SLC36A4: variants seen among roughly 807,000 people sequenced by gnomAD.
SLC36A4 encodes the protein neutral amino acid uniporter 4.
A neutral mutation model predicts 50.5 loss-of-function variants in SLC36A4; 49 were observed. The ratio of observed to expected loss-of-function variants is 0.97; its 90% CI spans 0.77 to 1.23. SLC36A4 has a LOEUF of 1.23. Among genes scored for constraint, SLC36A4 ranks in the 50% most tolerant of loss-of-function variants. The probability of loss-of-function intolerance (pLI) is 0.00; values close to 1 mark genes in which losing one functional copy is unlikely to be tolerated. For synonymous variants in SLC36A4, 207 were observed against 206.5 expected, an observed-to-expected ratio of 1.00 and a Z score of -0.02; for missense variants, 611 against 608.4, an observed-to-expected ratio of 1.00 and a Z score of -0.05.
intron 6 of SLC36A4, chr11:93,180,244 T>C: frequency 1.9e-5 from 19 of 985,108 alleles, no homozygotes; most frequent in Non-Finnish European, 2.3e-5. Context: ...GCTTTCCATA[T>C]TTGTCCAAAT....
intron 7 of SLC36A4, chr11:93,166,947 T>A (rs1248949346): frequency 6.6e-6 from 1 of 152,184 alleles, no homozygotes; most frequent in Non-Finnish European, 1.5e-5. Context: ...TAAACTATTA[T>A]TTAAGGCAAG....
At chr11:93,157,948 C>T (rs1005628859) in intron 9 of SLC36A4, among the ~76,000 whole-genome samples, 1 of 152,084 alleles carries the variant, frequency 6.6e-6, no homozygotes, top group Non-Finnish European at 1.5e-5. Context: ...TATAAACAGC[C>T]TGTAAACTAT....
intron 8 of SLC36A4, among the ~76,000 whole-genome samples, chr11:93,163,148 A>C (rs1231378866): frequency 6.6e-6 from 1 of 152,054 alleles, no homozygotes; most frequent in East Asian, 1.9e-4. Context: ...AGATTTACAG[A>C]AAAGTTACAA....
At chr11:93,196,393 G>GTC (rs1862424268) in intron 1 of SLC36A4, among the ~76,000 whole-genome samples, 2 of 151,928 alleles carry the variant, frequency 1.3e-5, no homozygotes, top group African/African-American at 4.8e-5. Flanking sequence ...TTGAGACAGA[G>GTC]TCTCGCTCTG....
intron 6 of SLC36A4, chr11:93,170,082 T>C (rs192670486): frequency 9.2e-5 from 14 of 152,052 alleles, no homozygotes; most frequent in Admixed American, 3.9e-4. Context: ...GATTAAAAAA[T>C]AAAATAAAAT....
At chr11:93,181,825 A>C (rs781461466) in intron 4 of SLC36A4, 39 bp from the exon 5 acceptor site, 1 of 1,480,152 alleles carries the variant, frequency 6.8e-7, no homozygotes, top group East Asian at 2.4e-5. Flanking sequence ...AAAAAAGAAA[A>C]ATTTTAAGGT....
chr11:93,182,918 G>C (rs776332823), intron 3 of SLC36A4, 24 bp from the exon 4 acceptor site: 1 of 1,523,412 alleles, frequency 6.6e-7, no homozygotes, highest in Non-Finnish European at 9.0e-7. Context: ...AAATTTATAA[G>C]GTTTAAATAT....
intron 8 of SLC36A4, among the ~76,000 whole-genome samples, chr11:93,163,452 A>G (rs1367600717): frequency 6.6e-6 from 1 of 151,938 alleles, no homozygotes; most frequent in East Asian, 1.9e-4. Flanking sequence ...CTGGTTTGGT[A>G]TTTTACATAA....
At position 93,182,865 on chromosome 11, in the gene SLC36A4, T is replaced by A; in HGVS notation, c.300A>T (p.Gly100=). Residue 100 remains glycine, a synonymous_variant, in exon 4 of 11, where the codon GGA becomes GGT. Coordinates refer to ENST00000326402, the MANE Select transcript of SLC36A4 (RefSeq NM_152313.4). The part of the protein sequence containing the change: ...VLGPISLVFI[G]IISVHCMHIL... Reference sequence around the variant, plus strand: ...TGTGCATACAGTGAACAGAAATAATTCCTATAAACACAAGGCTGATTGGTC... The same window carrying A: ...TGTGCATACAGTGAACAGAAATAATACCTATAAACACAAGGCTGATTGGTC... 6.2e-7 allele frequency: 1 copy of A among 1,612,588 alleles called. No individual in the cohort carries two copies. Among genetic ancestry groups the A allele is most frequent in the South Asian group, 1.1e-5 (1 of 90,864 alleles).
At chr11:93,151,492 GA>G (rs1342627938) in intron 10 of SLC36A4, among the ~76,000 whole-genome samples, 1 of 151,954 alleles carries the variant, frequency 6.6e-6, no homozygotes, top group Non-Finnish European at 1.5e-5. Flanking sequence ...CAAAAATGTG[GA>G]AAATAACTTA....
At chr11:93,197,299 C>T (rs1041012572) in intron 1 of SLC36A4, 28 of 156,710 alleles carry the variant, frequency 1.8e-4, no homozygotes, top group Non-Finnish European at 3.8e-4. Context: ...AGTGAGCAAG[C>T]TACAGGTATC....
chr11:93,176,950 T>C (rs749391044), intron 6 of SLC36A4, among the ~76,000 whole-genome samples: 1 of 152,044 alleles, frequency 6.6e-6, no homozygotes, highest in African/African-American at 2.4e-5. Flanking sequence ...CTTCTCGAGG[T>C]GTTACCTTTG....
Position 93,148,475 on chromosome 11 carries a change from C to A in SLC36A4, c.*62G>T. The A allele has an allele frequency of 7.3e-7, 1 of 1,369,528 alleles. No individual in the cohort carries two copies. Among genetic ancestry groups the A allele is most frequent in the Non-Finnish European group, 1.0e-6 (1 of 982,682 alleles). 84.8% of individuals were successfully genotyped at this position (1,369,528 alleles called of 1,614,324 possible). The stretch of plus-strand genomic sequence containing the variant: ...TTTATGTATATAGCAATGTATTTTA[C>A]TAGTTATCTTGATAATTTTCAGAAA... On this transcript the variant is annotated 3_prime_UTR_variant, in exon 11 of 11. Transcript: ENST00000326402.
intron 2 of SLC36A4, among the ~76,000 whole-genome samples, chr11:93,184,979 A>G (rs765609543): frequency 6.6e-5 from 10 of 152,176 alleles, no homozygotes; most frequent in Non-Finnish European, 4.4e-5. Flanking sequence ...TTGATCTATC[A>G]TTGTCAACCT....
intron 3 of SLC36A4, 95 bp downstream of exon 3, chr11:93,184,335 C>A: frequency 1.3e-6 from 1 of 771,866 alleles, no homozygotes; most frequent in Admixed American, 2.3e-5. Context: ...TAAATGTCAC[C>A]TTACCAGGTT....
intron 9 of SLC36A4, among the ~76,000 whole-genome samples, chr11:93,156,049 GT>G (rs1378351713): frequency 6.6e-6 from 1 of 152,138 alleles, no homozygotes; most frequent in Non-Finnish European, 1.5e-5. Flanking sequence ...GTATTTATGT[GT>G]TTTTCTAATA....
At chr11:93,196,181 CT>C (rs1318610127) in intron 1 of SLC36A4, among the ~76,000 whole-genome samples, 1 of 152,290 alleles carries the variant, frequency 6.6e-6, no homozygotes, top group African/African-American at 2.4e-5. Context: ...TGCTGAACAT[CT>C]TTCCACATCA....
At chr11:93,186,595 T>C (rs938514553) in intron 1 of SLC36A4, among the ~76,000 whole-genome samples, 1 of 152,194 alleles carries the variant, frequency 6.6e-6, no homozygotes, top group East Asian at 1.9e-4. Context: ...ATACAACAAT[T>C]AATAATTTAA....
intron 10 of SLC36A4, among the ~76,000 whole-genome samples, chr11:93,151,775 T>C (rs1471205150): frequency 2.0e-5 from 3 of 151,910 alleles, no homozygotes; most frequent in South Asian, 2.1e-4. Context: ...CAGAAGTAAA[T>C]AGTACTTAGT....
Sources: gnomAD v4.1 joint callset for allele counts (sites outside exome capture counted in the v4.1 genomes callset) on GRCh38, gnomAD v4.1.1 for gene constraint, MANE v1.5 for transcripts, NCBI Gene and HGNC (gene_info 2026-07-23, HGNC 2026-07-21) for gene names.